Variants in MDGA2 observed in about 807,000 individuals in gnomAD.
MDGA2 encodes MAM domain-containing glycosylphosphatidylinositol anchor protein 2.
A neutral mutation model predicts 117.8 loss-of-function variants in MDGA2; 40 were observed. That is an observed-to-expected ratio of 0.34 (90% CI 0.26 to 0.44). The LOEUF (loss-of-function observed/expected upper bound fraction) is 0.44, where lower values mean the gene tolerates loss of function less well. MDGA2 is among the 20% of genes least tolerant of loss of function. The pLI, the probability that MDGA2 is intolerant of heterozygous loss-of-function variation, is 1.00. For synonymous variants in MDGA2, 452 were observed against 439.0 expected, an observed-to-expected ratio of 1.03 and a Z score of -0.37; for missense variants, 1,123 against 1,250.6, an observed-to-expected ratio of 0.90 and a Z score of 1.54.
intron 10 of MDGA2, among the ~76,000 whole-genome samples, chr14:46,909,069 T>C (rs1263663452): frequency 6.6e-6 from 1 of 152,212 alleles, no homozygotes; most frequent in East Asian, 1.9e-4. Context: ...ATTTTTTGTC[T>C]GCTTCCTACT....
At chr14:47,533,159 C>A (rs1340603231) in intron 1 of MDGA2, among the ~76,000 whole-genome samples, 1 of 152,202 alleles carries the variant, frequency 6.6e-6, no homozygotes, top group African/African-American at 2.4e-5. Flanking sequence ...GTCCTCAAAT[C>A]TTCCCACTAC....
chr14:47,050,055 C>A (rs778077133), intron 7 of MDGA2, among the ~76,000 whole-genome samples: 1 of 151,970 alleles, frequency 6.6e-6, no homozygotes, highest in Non-Finnish European at 1.5e-5. Context: ...AAAATGGATT[C>A]CCTCATCAAA....
At chr14:47,627,530 C>G (rs1046136511) in intron 1 of MDGA2, among the ~76,000 whole-genome samples, 58 of 152,268 alleles carry the variant, frequency 3.8e-4, no homozygotes, top group African/African-American at 1.3e-3. Context: ...TCTAGCTAAT[C>G]TAGTGGGGGC....
At chr14:46,854,528 A>G (rs950752224) in intron 15 of MDGA2, among the ~76,000 whole-genome samples, 2 of 151,608 alleles carry the variant, frequency 1.3e-5, no homozygotes, top group African/African-American at 2.4e-5. Flanking sequence ...CTTCTTTTCT[A>G]TATAGAAACA....
chr14:46,898,117 A>G (rs1311432392), intron 10 of MDGA2, among the ~76,000 whole-genome samples: 1 of 152,074 alleles, frequency 6.6e-6, no homozygotes, highest in Non-Finnish European at 1.5e-5. Context: ...ATGGAGGACT[A>G]TTTCCAAAAC....
At chr14:47,427,078 G>T (rs7147068) in intron 1 of MDGA2, among the ~76,000 whole-genome samples, 4,769 of 152,114 alleles carry the variant, frequency 0.031, 252 homozygotes, top group African/African-American at 0.11. Context: ...TTTCTAAATT[G>T]ACAGTGTTTA....
intron 3 of MDGA2, among the ~76,000 whole-genome samples, chr14:47,146,326 A>C (rs537480651): frequency 6.6e-6 from 1 of 152,260 alleles, no homozygotes; most frequent in Admixed American, 6.5e-5. Flanking sequence ...CAGCTACCTC[A>C]AAGGCCTCTA....
At chr14:47,628,481 T>G (rs1897192636) in intron 1 of MDGA2, among the ~76,000 whole-genome samples, 1 of 152,218 alleles carries the variant, frequency 6.6e-6, no homozygotes, top group Admixed American at 6.5e-5. Context: ...TTCATTATTC[T>G]TGACGAATTG....
chr14:47,461,269 A>ATGTGTGTGTGTGTGTGTGTGTGTGTGTG (rs55889646), intron 1 of MDGA2, among the ~76,000 whole-genome samples: 12 of 142,836 alleles, frequency 8.4e-5, no homozygotes, highest in East Asian at 6.3e-4. Context: ...AAAAAAATGT[A>ATGTGTGTGTGTGTGTGTGTGTGTGTGTG]TGTGTGTGTG....
chr14:46,930,969 T>A (rs1433829028), intron 9 of MDGA2, among the ~76,000 whole-genome samples: 2 of 152,044 alleles, frequency 1.3e-5, no homozygotes, highest in African/African-American at 4.8e-5. Flanking sequence ...GTAATCCTAA[T>A]GCTTTGGGAG....
chr14:47,417,059 G>C (rs1441612323), intron 1 of MDGA2, among the ~76,000 whole-genome samples: 1 of 152,134 alleles, frequency 6.6e-6, no homozygotes, highest in Non-Finnish European at 1.5e-5. Flanking sequence ...AGGTCTCATT[G>C]TCTTGATGAG....
chr14:47,137,258 T>C (rs1882501606), intron 4 of MDGA2, among the ~76,000 whole-genome samples: 1 of 152,156 alleles, frequency 6.6e-6, no homozygotes, highest in Admixed American at 6.5e-5. Context: ...CACATCCATA[T>C]CCTAGTTAAT....
intron 1 of MDGA2, among the ~76,000 whole-genome samples, chr14:47,537,309 G>C (rs1189515145): frequency 1.7e-5 from 2 of 119,246 alleles, no homozygotes; most frequent in African/African-American, 6.7e-5. Context: ...CCTGTTGTCG[G>C]GTGGGGGGAG....
intron 3 of MDGA2, among the ~76,000 whole-genome samples, chr14:47,186,601 C>G (rs1884920779): frequency 6.6e-6 from 1 of 151,788 alleles, no homozygotes; most frequent in Admixed American, 6.6e-5. Flanking sequence ...AGTAAGGAAA[C>G]AGAACTGGAG....
At chr14:47,461,007 T>C (rs2138591502) in intron 1 of MDGA2, among the ~76,000 whole-genome samples, 1 of 152,334 alleles carries the variant, frequency 6.6e-6, no homozygotes, top group East Asian at 1.9e-4. Context: ...AGTTTGATTT[T>C]TTTAAAAGAA....
intron 1 of MDGA2, among the ~76,000 whole-genome samples, chr14:47,437,523 G>T (rs1004724769): frequency 1.3e-5 from 2 of 152,064 alleles, no homozygotes; most frequent in Non-Finnish European, 2.9e-5. Flanking sequence ...TTCTTTAGTG[G>T]CTATAGTATT....
At chr14:47,124,181 A>G (rs919575441) in intron 5 of MDGA2, among the ~76,000 whole-genome samples, 4 of 152,076 alleles carry the variant, frequency 2.6e-5, no homozygotes, top group African/African-American at 7.2e-5. Context: ...TCCATTTCAC[A>G]TATTAGCTTT....
At chr14:47,320,346 C>T (rs1282438867) in intron 1 of MDGA2, among the ~76,000 whole-genome samples, 3 of 152,018 alleles carry the variant, frequency 2.0e-5, no homozygotes, top group African/African-American at 7.2e-5. Context: ...CGTGCCACTG[C>T]AACTCCAGCC....
At chr14:47,378,382 AT>A (rs796123586) in intron 1 of MDGA2, among the ~76,000 whole-genome samples, 1 of 152,348 alleles carries the variant, frequency 6.6e-6, no homozygotes, top group African/African-American at 2.4e-5. Flanking sequence ...AGTTGAGTGA[AT>A]AAGGCTTCAG....
Sources: allele counts gnomAD v4.1 joint callset (sites outside exome capture counted in the v4.1 genomes callset), GRCh38; gene constraint gnomAD v4.1.1; transcripts MANE v1.5; gene names NCBI Gene and HGNC (gene_info 2026-07-23, HGNC 2026-07-21).